The following LARP1B variants were observed in gnomAD, a reference collection of about 807,000 sequenced individuals.
LARP1B encodes the protein La ribonucleoprotein 1B.
A neutral mutation model predicts 114.2 loss-of-function variants in LARP1B; 76 were observed. The ratio of observed to expected loss-of-function variants is 0.67; its 90% confidence interval spans 0.55 to 0.81. The LOEUF (loss-of-function observed/expected upper bound fraction) is 0.81. Ranked by LOEUF, LARP1B falls within the 30% of genes least tolerant of loss-of-function variation. LARP1B has a pLI of 0.00. For synonymous variants in LARP1B, 345 were observed against 348.0 expected, an observed-to-expected ratio of 0.99 and a Z score of 0.10; for missense variants, 1,014 against 1,075.8, an observed-to-expected ratio of 0.94 and a Z score of 0.80.
chr4:128,114,860 T>G, intron 10 of LARP1B, 118 bp downstream of exon 10: 1 of 811,218 alleles, frequency 1.2e-6, no homozygotes, highest in Non-Finnish European at 1.9e-6. Flanking sequence ...CAATTTTAAC[T>G]TTGTAATTGT....
At chr4:128,114,794 G>T in intron 10 of LARP1B, 52 bp downstream of exon 10, 1 of 1,512,326 alleles carries the variant, frequency 6.6e-7, no homozygotes, top group African/African-American at 1.4e-5. Context: ...TGGAGTATAA[G>T]GTCAGTGCAC....
chr4:128,061,936 C>T (rs1579555843), intron 1 of LARP1B: 2 of 985,236 alleles, frequency 2.0e-6, no homozygotes, highest in Non-Finnish European at 1.2e-6. Context: ...CGGCTGTCCC[C>T]GTGAGGCCCC....
Position 128,168,973 on chromosome 4 carries a change from A to G in LARP1B, c.1648+6656A>G, listed in dbSNP as rs575490576. Among the ~76,000 whole-genome samples, 9 of 152,214 alleles carry G rather than the reference A, an allele frequency of 5.9e-5. No individual in the cohort carries two copies. In the South Asian group the frequency reaches 6.2e-4, roughly 11 times the overall value. ...TTGGAATGTTTTAAACTACACATTT[A>G]TTTATTTAAGAAACATAAGACTAAG... On this transcript the variant is annotated intron_variant, in intron 12 of 19. Transcript: ENST00000326639.
At chr4:128,100,196 C>T (rs1486928056) in intron 8 of LARP1B, among the ~76,000 whole-genome samples, 2 of 151,950 alleles carry the variant, frequency 1.3e-5, no homozygotes, top group Non-Finnish European at 2.9e-5. Flanking sequence ...TCCTGACTTT[C>T]AGGCGATCCA....
rs375986054 is a variant in LARP1B, at chr4:128,121,864, A to C, written c.1200A>C (p.Leu400=). Residue 400 remains leucine (L), a synonymous_variant, in exon 11 of 20, where the codon CTA becomes CTC. Coordinates refer to ENST00000326639, the MANE Select transcript of LARP1B (RefSeq NM_018078.4). ...TCCCTGAAGGGTCATTAAATCAGCT[A>C]TGTTCTTCAGAAGAACCAGAACAAG... ...VSVPEGSLNQ[L]CSSEEPEQEE... 19 of 1,608,034 alleles carry C rather than the reference A, an allele frequency of 1.2e-5. No homozygotes were observed. In the African/African-American group the frequency reaches 1.6e-4, roughly 14 times the overall value.
At chr4:128,139,225 G>A (rs1726823874) in intron 11 of LARP1B, among the ~76,000 whole-genome samples, 1 of 152,086 alleles carries the variant, frequency 6.6e-6, no homozygotes, top group South Asian at 2.1e-4. Flanking sequence ...ATTGTATACA[G>A]GTATCAAAAT....
At chr4:128,185,555 T>G (rs1400665144) in intron 15 of LARP1B, among the ~76,000 whole-genome samples, 2 of 151,906 alleles carry the variant, frequency 1.3e-5, no homozygotes, top group Non-Finnish European at 2.9e-5. Context: ...TCTACTGAGT[T>G]GTTTGAGTTC....
chr4:128,085,075 G>A (rs1407229971), intron 5 of LARP1B, among the ~76,000 whole-genome samples: 1 of 152,062 alleles, frequency 6.6e-6, no homozygotes, highest in Admixed American at 6.6e-5. Flanking sequence ...TATTGGTCAG[G>A]CTGGGCTCGA....
At chr4:128,164,302 T>C (rs1229458207) in intron 12 of LARP1B, among the ~76,000 whole-genome samples, 1 of 152,142 alleles carries the variant, frequency 6.6e-6, no homozygotes, top group African/African-American at 2.4e-5. Flanking sequence ...AAGTTCTTAG[T>C]GTGTCCCACT....
intron 5 of LARP1B, among the ~76,000 whole-genome samples, chr4:128,084,008 C>G (rs1352378536): frequency 6.6e-6 from 1 of 151,960 alleles, no homozygotes; most frequent in Non-Finnish European, 1.5e-5. Context: ...CAGAGGTGCT[C>G]CCCACATCTC....
chr4:128,115,705 G>A (rs535993421), intron 10 of LARP1B, among the ~76,000 whole-genome samples: 2 of 152,260 alleles, frequency 1.3e-5, no homozygotes, highest in African/African-American at 4.8e-5. Context: ...CCCAGGCTGG[G>A]GTGCTGTTGC....
chr4:128,138,635 G>C (rs915131595), intron 11 of LARP1B, among the ~76,000 whole-genome samples: 4 of 152,098 alleles, frequency 2.6e-5, no homozygotes, highest in African/African-American at 9.7e-5. Context: ...ATGAGAACGT[G>C]AATGAGAGTC....
At chr4:128,155,888 C>T in intron 11 of LARP1B, 1 of 1,546,702 alleles carries the variant, frequency 6.5e-7, no homozygotes. Context: ...GTGCTGGAAG[C>T]CCACTGACCC....
chr4:128,170,867 C>CTTTTTTTTTT (rs1211999090), intron 12 of LARP1B, among the ~76,000 whole-genome samples: 1 of 99,944 alleles, frequency 1.0e-5, no homozygotes, highest in East Asian at 3.8e-4. Flanking sequence ...TTTTCTTTTT[C>CTTTTTTTTTT]TTTTCTTTTT....
chr4:128,078,096 G>C (rs527743256), intron 4 of LARP1B, 134 bp downstream of exon 4: 2 of 567,180 alleles, frequency 3.5e-6, no homozygotes, highest in African/African-American at 3.9e-5. Flanking sequence ...AATCTGCAGA[G>C]GTAACTCATT....
At chr4:128,115,539 C>T (rs1785497966) in intron 10 of LARP1B, among the ~76,000 whole-genome samples, 1 of 152,140 alleles carries the variant, frequency 6.6e-6, no homozygotes, top group African/African-American at 2.4e-5. Context: ...CCACTGCACT[C>T]CAGGGAGGGT....
At chr4:128,079,458 A>AT (rs1204957433) in intron 4 of LARP1B, among the ~76,000 whole-genome samples, 1 of 152,120 alleles carries the variant, frequency 6.6e-6, no homozygotes, top group South Asian at 2.1e-4. Context: ...TATTCACTTG[A>AT]TACAATGAAT....
At chr4:128,120,834 A>G in intron 10 of LARP1B, among the ~76,000 whole-genome samples, 1 of 123,148 alleles carries the variant, frequency 8.1e-6, no homozygotes, top group East Asian at 2.5e-4. Context: ...TTCTTCAGAC[A>G]GAGTCTCGCT....
chr4:128,171,165 G>C (rs908633407), intron 12 of LARP1B, among the ~76,000 whole-genome samples: 2 of 150,868 alleles, frequency 1.3e-5, no homozygotes, highest in Non-Finnish European at 2.9e-5. Flanking sequence ...GTCTCACTCT[G>C]TTGCCAAGGC....
Sources: allele counts gnomAD v4.1 joint callset (sites outside exome capture counted in the v4.1 genomes callset), GRCh38; gene constraint gnomAD v4.1.1; transcripts MANE v1.5; gene names NCBI Gene and HGNC (gene_info 2026-07-23, HGNC 2026-07-21).